GNAI3: variants seen among roughly 807,000 people sequenced by gnomAD.
GNAI3 encodes the protein G protein subunit alpha i3.
A neutral mutation model predicts 41.8 loss-of-function variants in GNAI3; 12 were observed. The observed-to-expected ratio is 0.29, with a 90% CI of 0.18 to 0.47. The LOEUF (loss-of-function observed/expected upper bound fraction) is 0.47. Among genes scored for constraint, GNAI3 ranks in the 20% least tolerant of loss-of-function variants. The probability of loss-of-function intolerance (pLI) is 1.00; values close to 1 mark genes in which losing one functional copy is unlikely to be tolerated. For synonymous variants in GNAI3, 132 were observed against 146.5 expected (o/e 0.90, Z 0.71); for missense variants, 360 against 429.6 (o/e 0.84, Z 1.43).
chr1:109,556,803 A>G (rs1648166413), intron 1 of GNAI3, among the ~76,000 whole-genome samples: 1 of 152,232 alleles, frequency 6.6e-6, no homozygotes, highest in Non-Finnish European at 1.5e-5. Flanking sequence ...ACTAGATTCC[A>G]GATTTTTGGA....
At position 109,597,639 on chromosome 1, in the gene GNAI3, C is replaced by T. The variant is rs1649340507; in HGVS notation, c.*5317C>T. 1.3e-5 allele frequency: 2 copies of T among 151,728 alleles called. No homozygotes were observed. Among genetic ancestry groups the T allele is most frequent in the African/African-American group, 4.8e-5 (2 of 41,286 alleles). The allele number at this position is 151,728 out of a possible 1,614,324, so 9.4% of individuals were successfully genotyped here. A position where few individuals can be genotyped will look rare whatever the true frequency, so the allele number is the denominator to read the frequency against. On this transcript the variant is annotated 3_prime_UTR_variant, in exon 9 of 9. Transcript: ENST00000369851. ...AAAACTGTTGGGTCACATAACATTC[C>T]TACACTTTGGATACAGAGTATTTAG...
chr1:109,554,426 A>C (rs1269366461), intron 1 of GNAI3, among the ~76,000 whole-genome samples: 2 of 152,154 alleles, frequency 1.3e-5, no homozygotes, highest in Non-Finnish European at 2.9e-5. Context: ...TTGCAGGAGT[A>C]AGGTGGTATC....
chr1:109,574,153 G>A (rs1648679161), intron 3 of GNAI3, 116 bp downstream of exon 3: 3 of 689,204 alleles, frequency 4.4e-6, no homozygotes, highest in Non-Finnish European at 7.3e-6. Flanking sequence ...ATAAAATGTA[G>A]CAAAGTACTT....
chr1:109,583,881 A>G (rs747664664), intron 5 of GNAI3, among the ~76,000 whole-genome samples: 1 of 149,416 alleles, frequency 6.7e-6, no homozygotes, highest in South Asian at 2.1e-4. Flanking sequence ...GTGAGCCACC[A>G]CACCCAGCAA....
intron 1 of GNAI3, among the ~76,000 whole-genome samples, chr1:109,570,240 T>C (rs1007311160): frequency 3.9e-5 from 6 of 152,230 alleles, no homozygotes; most frequent in African/African-American, 9.6e-5. Context: ...AATGTACCTT[T>C]TGATTCTGTA....
chr1:109,571,791 G>A (rs965955153), intron 1 of GNAI3, among the ~76,000 whole-genome samples: 1 of 152,142 alleles, frequency 6.6e-6, no homozygotes, highest in African/African-American at 2.4e-5. Flanking sequence ...GGTGGCGTGT[G>A]CCTGTAGTCC....
intron 1 of GNAI3, among the ~76,000 whole-genome samples, chr1:109,549,176 G>A (rs962787250): frequency 6.6e-6 from 1 of 152,210 alleles, no homozygotes; most frequent in African/African-American, 2.4e-5. Flanking sequence ...AAGGTTTTAC[G>A]TTGGGTTGGA....
At position 109,591,793 on chromosome 1, in the gene GNAI3, A is replaced by G. The variant is rs1366638676; in HGVS notation, c.875-250A>G. On this transcript the variant is annotated intron_variant, in intron 7 of 8. Transcript: ENST00000369851. The stretch of plus-strand genomic sequence containing the variant: ...TTTTTAGCTGAAAAGTCTAAATGAA[A>G]AGGTAAAGAGAAATTTAACGTTATG... Among the ~76,000 whole-genome samples the G allele has an allele frequency of 2.0e-5, 3 of 152,326 alleles. No individual in the cohort carries two copies. The East Asian group carries it at 5.8e-4, about 29-fold the overall frequency.
intron 7 of GNAI3, among the ~76,000 whole-genome samples, chr1:109,589,309 G>C (rs1488888680): frequency 6.6e-6 from 1 of 152,178 alleles, no homozygotes; most frequent in African/African-American, 2.4e-5. Context: ...CTGCAGATAA[G>C]TAAGATACAT....
chr1:109,578,470 CAAAAAAAAAAA>C (rs35519193), intron 3 of GNAI3, among the ~76,000 whole-genome samples: 8 of 84,312 alleles, frequency 9.5e-5, no homozygotes, highest in East Asian at 3.3e-4. Flanking sequence ...AACTCCGTCT[CAAAAAAAAAAA>C]AAAAAAAAAA....
chr1:109,573,701 C>T (rs1648664816), intron 1 of GNAI3, 36 bp from the exon 2 acceptor site: 2 of 1,522,954 alleles, frequency 1.3e-6, no homozygotes, highest in Non-Finnish European at 9.1e-7. Flanking sequence ...ATGTTGATTA[C>T]CGAGAAATTC....
At chr1:109,578,386 C>A (rs758534354) in intron 3 of GNAI3, among the ~76,000 whole-genome samples, 1 of 149,120 alleles carries the variant, frequency 6.7e-6, no homozygotes, top group Non-Finnish European at 1.5e-5. Context: ...AGGAGAATCG[C>A]TAGAACCCAG....
chr1:109,564,009 T>C (rs1047330738), intron 1 of GNAI3, among the ~76,000 whole-genome samples: 2 of 151,664 alleles, frequency 1.3e-5, no homozygotes, highest in Non-Finnish European at 2.9e-5. Context: ...AATTCTCATG[T>C]CCTTAAAGCC....
At chr1:109,583,239 G>A (rs553300403) in intron 5 of GNAI3, among the ~76,000 whole-genome samples, 3 of 152,138 alleles carry the variant, frequency 2.0e-5, no homozygotes, top group East Asian at 3.9e-4. Context: ...AGACAGGGTC[G>A]TACTCTGTCG....
chr1:109,584,258 A>C (rs759319167), intron 5 of GNAI3, among the ~76,000 whole-genome samples: 1 of 152,218 alleles, frequency 6.6e-6, no homozygotes. Flanking sequence ...GGAAAATAGC[A>C]GTTCAGCTAT....
intron 1 of GNAI3, among the ~76,000 whole-genome samples, chr1:109,565,169 CAG>C (rs1222219465): frequency 6.7e-6 from 1 of 149,574 alleles, no homozygotes; most frequent in Non-Finnish European, 1.5e-5. Context: ...GAGGCTGAGA[CAG>C]AGAATCACTT....
At chr1:109,578,077 G>A (rs1341917441) in intron 3 of GNAI3, among the ~76,000 whole-genome samples, 1 of 152,132 alleles carries the variant, frequency 6.6e-6, no homozygotes, top group African/African-American at 2.4e-5. Flanking sequence ...AAACCAACAA[G>A]TAGGGATGGA....
Position 109,598,561 on chromosome 1 carries a change from T to A in GNAI3, c.*6239T>A. On this transcript the variant is annotated 3_prime_UTR_variant, in exon 9 of 9. Coordinates refer to ENST00000369851, the MANE Select transcript of GNAI3 (RefSeq NM_006496.4). ...CCTAAGGCAGCACCAACAAAGGTATTCAACGTAGTGGGTGGTCTTTTACAG... is the reference window on the plus strand; with the variant it reads ...CCTAAGGCAGCACCAACAAAGGTATACAACGTAGTGGGTGGTCTTTTACAG... 1 of 187,808 alleles carries A rather than the reference T, an allele frequency of 5.3e-6. No homozygotes were observed. Among genetic ancestry groups the A allele is most frequent in the South Asian group, 9.2e-5 (1 of 10,924 alleles). 11.6% of individuals were successfully genotyped at this position (187,808 alleles called of 1,614,324 possible). A position where few individuals can be genotyped will look rare whatever the true frequency, so the allele number is the denominator to read the frequency against.
chr1:109,569,350 T>C (rs1648534497), intron 1 of GNAI3, among the ~76,000 whole-genome samples: 1 of 152,216 alleles, frequency 6.6e-6, no homozygotes, highest in Non-Finnish European at 1.5e-5. Flanking sequence ...CCATTCTTTG[T>C]ATTTCAACTA....
Sources: allele counts gnomAD v4.1 joint callset (sites outside exome capture counted in the v4.1 genomes callset), GRCh38; gene constraint gnomAD v4.1.1; transcripts MANE v1.5; gene names NCBI Gene and HGNC (gene_info 2026-07-23, HGNC 2026-07-21).